PKIB: variants seen among roughly 807,000 people sequenced by gnomAD.
The protein encoded by PKIB is PKI-beta.
Under a neutral mutation model 4.5 loss-of-function variants are expected in PKIB, and 2 were observed. The ratio of observed to expected loss-of-function variants is 0.44; its 90% confidence interval spans 0.18 to 1.39. The LOEUF is 1.39. Ranked by LOEUF, PKIB falls within the 40% of genes most tolerant of loss-of-function variation. PKIB has a pLI of 0.27. For missense variants in PKIB, 94 were observed against 92.6 expected (o/e 1.02, Z -0.06); for synonymous variants, 38 against 36.0 (o/e 1.06, Z -0.20).
chr6:122,607,078 A>G (rs1774561040), upstream of PKIB, among the ~76,000 whole-genome samples: 1 of 148,582 alleles, frequency 6.7e-6, no homozygotes, highest in Non-Finnish European at 1.5e-5. Context: ...CCCCTTGGTA[A>G]AAAAAAAAAT....
intron 3 of PKIB, among the ~76,000 whole-genome samples, chr6:122,697,342 T>C (rs991739414): frequency 9.2e-5 from 14 of 152,046 alleles, no homozygotes; most frequent in Admixed American, 6.6e-5. Flanking sequence ...GCCTAAATTT[T>C]TGGCTTTATG....
chr6:122,702,796 A>G (rs1024275889), intron 3 of PKIB, among the ~76,000 whole-genome samples: 1 of 152,160 alleles, frequency 6.6e-6, no homozygotes. Flanking sequence ...AGAAGAATAT[A>G]TTTTAGTACT....
At chr6:122,652,236 T>A (rs933309635) in intron 2 of PKIB, among the ~76,000 whole-genome samples, 2 of 151,928 alleles carry the variant, frequency 1.3e-5, no homozygotes, top group Admixed American at 6.6e-5. Context: ...TTATGGAGAA[T>A]GTACATGTAT....
intron 2 of PKIB, among the ~76,000 whole-genome samples, chr6:122,512,195 C>G (rs1167758168): frequency 6.6e-6 from 1 of 152,160 alleles, no homozygotes; most frequent in Non-Finnish European, 1.5e-5. Context: ...TTATTTTGCA[C>G]ATGTTTAAAA....
rs143150129 is a variant in PKIB, at chr6:122,689,765, G to A, written c.-9+14621G>A. On this transcript the variant is annotated intron_variant, in intron 3 of 4. Transcript: ENST00000368452. ...AAAATGTTCTGTAAATATTTATCAG[G>A]TTCACTTGGTCTATAATGCAGATTA... 1.4e-3 allele frequency among the ~76,000 whole-genome samples: 215 copies of A among 152,282 alleles called. 1 individual carries two copies. Among genetic ancestry groups the A allele is most frequent in the African/African-American group, 4.8e-3 (199 of 41,558 alleles).
intron 2 of PKIB, among the ~76,000 whole-genome samples, chr6:122,515,407 T>C (rs556497875): frequency 6.6e-6 from 1 of 152,308 alleles, no homozygotes; most frequent in African/African-American, 2.4e-5. Flanking sequence ...CAGAAGCTCA[T>C]TTTCATTAGA....
intron 3 of PKIB, among the ~76,000 whole-genome samples, chr6:122,680,150 A>G (rs976584077): frequency 2.0e-5 from 3 of 152,262 alleles, no homozygotes; most frequent in African/African-American, 7.2e-5. Context: ...GATTAATTGG[A>G]GAAAAGGCAT....
chr6:122,618,344 T>C (rs116891531), intron 1 of PKIB, among the ~76,000 whole-genome samples: 1 of 152,234 alleles, frequency 6.6e-6, no homozygotes, highest in Non-Finnish European at 1.5e-5. Context: ...TTTCTTTCAG[T>C]CTCATCTCTT....
chr6:122,635,613 A>G (rs1017207790), intron 2 of PKIB, among the ~76,000 whole-genome samples: 2 of 151,828 alleles, frequency 1.3e-5, no homozygotes, highest in Non-Finnish European at 2.9e-5. Flanking sequence ...TTGAAATACT[A>G]GCTAAATAAT....
chr6:122,506,624 C>T (rs1303973223), intron 2 of PKIB, among the ~76,000 whole-genome samples: 6 of 151,386 alleles, frequency 4.0e-5, no homozygotes, highest in African/African-American at 1.5e-4. Flanking sequence ...CTGTAAAGGT[C>T]CCCTTAGGAG....
chr6:122,667,674 TG>T (rs1175012695), intron 2 of PKIB, among the ~76,000 whole-genome samples: 1 of 152,212 alleles, frequency 6.6e-6, no homozygotes, highest in Non-Finnish European at 1.5e-5. Context: ...TTAATAGTTA[TG>T]GAAAAAAATT....
At chr6:122,473,812 T>C (rs1029106357) in intron 1 of PKIB, among the ~76,000 whole-genome samples, 2 of 152,336 alleles carry the variant, frequency 1.3e-5, no homozygotes, top group Admixed American at 6.5e-5. Context: ...AAAATTCAAA[T>C]TAGTCTAAGT....
At chr6:122,628,907 C>T (rs1775577197) in intron 1 of PKIB, among the ~76,000 whole-genome samples, 1 of 152,156 alleles carries the variant, frequency 6.6e-6, no homozygotes, top group South Asian at 2.1e-4. Flanking sequence ...TTTGTGTATA[C>T]AGGAAACATT....
chr6:122,593,348 C>T (rs1774072607), intron 3 of PKIB, among the ~76,000 whole-genome samples: 1 of 152,078 alleles, frequency 6.6e-6, no homozygotes, highest in Admixed American at 6.6e-5. Context: ...TTTATATAGA[C>T]TGTTTATAGA....
At chr6:122,680,371 G>A (rs777918957) in intron 3 of PKIB, among the ~76,000 whole-genome samples, 7 of 152,232 alleles carry the variant, frequency 4.6e-5, no homozygotes, top group African/African-American at 7.2e-5. Context: ...GCTTCTCTAA[G>A]CATGGATTCT....
chr6:122,562,566 A>C (rs905184139), intron 2 of PKIB, among the ~76,000 whole-genome samples: 1 of 152,150 alleles, frequency 6.6e-6, no homozygotes. Flanking sequence ...AGCTTTTGGA[A>C]TTCTCTTCTT....
intron 1 of PKIB, among the ~76,000 whole-genome samples, chr6:122,611,761 G>C (rs1243544482): frequency 6.6e-6 from 1 of 152,126 alleles, no homozygotes; most frequent in African/African-American, 2.4e-5. Context: ...GAGAACTGAT[G>C]ACCATAATGC....
chr6:122,504,389 A>G (rs1159450905), intron 2 of PKIB, among the ~76,000 whole-genome samples: 3 of 152,216 alleles, frequency 2.0e-5, no homozygotes, highest in Non-Finnish European at 4.4e-5. Flanking sequence ...ACTTGGGAAG[A>G]ATATGCATTT....
intron 2 of PKIB, among the ~76,000 whole-genome samples, chr6:122,528,008 C>T (rs1777144341): frequency 6.6e-6 from 1 of 152,092 alleles, no homozygotes; most frequent in Non-Finnish European, 1.5e-5. Flanking sequence ...ATTTCTCACT[C>T]CAATTGTGTC....
Sources: allele counts gnomAD v4.1 joint callset (sites outside exome capture counted in the v4.1 genomes callset), GRCh38; gene constraint gnomAD v4.1.1; transcripts MANE v1.5; gene names NCBI Gene and HGNC (gene_info 2026-07-23, HGNC 2026-07-21).